TNK2: variants seen among roughly 807,000 people sequenced by gnomAD.
TNK2 encodes the protein tyrosine kinase non receptor 2.
A neutral mutation model predicts 101.8 loss-of-function variants in TNK2; 83 were observed. That is an observed-to-expected ratio of 0.82 (90% CI 0.68 to 0.98). The LOEUF (loss-of-function observed/expected upper bound fraction) is 0.98. Ranked by LOEUF, TNK2 falls within the 50% of genes least tolerant of loss-of-function variation. TNK2 has a pLI of 0.00. For missense variants in TNK2, 1,665 were observed against 1,483.2 expected (o/e 1.12, Z -2.01); for synonymous variants, 804 against 633.0 (o/e 1.27, Z -4.06).
chr3:195,893,105 G>A (rs1267454620), intron 1 of TNK2, among the ~76,000 whole-genome samples: 2 of 151,944 alleles, frequency 1.3e-5, no homozygotes, highest in Non-Finnish European at 2.9e-5. Flanking sequence ...GTGTGGGGAC[G>A]TGGGGACTAA....
intron 1 of TNK2, among the ~76,000 whole-genome samples, chr3:195,893,992 T>C (rs1577109629): frequency 6.6e-6 from 1 of 152,282 alleles, no homozygotes; most frequent in Non-Finnish European, 1.5e-5. Context: ...CCCCCTGCCA[T>C]CCAGCCCACA....
At chr3:195,887,903 T>TGTGCACGTGCATGCGTGC (rs1390659403) in intron 2 of TNK2, among the ~76,000 whole-genome samples, 44 of 126,646 alleles carry the variant, frequency 3.5e-4, no homozygotes, top group African/African-American at 1.6e-3. Flanking sequence ...TGCATGCGTG[T>TGTGCACGTGCATGCGTGC]GTGCACGTGC....
chr3:195,905,100 A>G (rs1761592489), intron 1 of TNK2, among the ~76,000 whole-genome samples: 1 of 152,256 alleles, frequency 6.6e-6, no homozygotes, highest in Admixed American at 6.5e-5. Flanking sequence ...TAGTTTATAA[A>G]CCCACAGTAA....
In TNK2 at chr3:195,864,176, G is replaced by T. The variant is rs200408614; in HGVS notation, c.*5C>A. The T allele has an allele frequency of 6.2e-7, 1 of 1,613,982 alleles. No homozygotes were observed. The highest frequency in any genetic ancestry group is 1.7e-5 in the Admixed American group (1 of 60,008). On this transcript the variant is annotated 3_prime_UTR_variant, in exon 16 of 16. Coordinates refer to ENST00000672887, the MANE Select transcript of TNK2 (RefSeq NM_001382273.1). ...AGGCAGGCCCTCTGGCTCTCCAGAC[G>T]CATCTCAGCGCCTAGAGAATGGGAA...
intron 1 of TNK2, among the ~76,000 whole-genome samples, chr3:195,889,767 A>G (rs1757608801): frequency 6.6e-6 from 1 of 152,206 alleles, no homozygotes; most frequent in Non-Finnish European, 1.5e-5. Flanking sequence ...AAGCGGACCC[A>G]CCGCACAGCA....
chr3:195,888,401 C>T lies in TNK2; in HGVS notation c.163+25G>A. On this transcript the variant is annotated intron_variant, in intron 2 of 15. Coordinates refer to ENST00000672887, the MANE Select transcript of TNK2 (RefSeq NM_001382273.1). The surrounding 1 kb of genome is among the most constrained non-coding windows in gnomAD (Gnocchi z 5.3). ...AGGACGGAAAGGGTCAGGGGCAAGA[C>T]AAGCCAGGCCAACATCCCACCTACC... 1.2e-6 allele frequency: 2 copies of T among 1,607,520 alleles called. No individual in the cohort carries two copies. Among genetic ancestry groups the T allele is most frequent in the Non-Finnish European group, 8.5e-7 (1 of 1,175,540 alleles).
In TNK2 at chr3:195,902,956, C is replaced by A. The variant is rs141733252; in HGVS notation, c.-19+5529G>T. Among the ~76,000 whole-genome samples the A allele has an allele frequency of 2.4e-3, 363 of 152,108 alleles. 10 individuals carry two copies. The East Asian group carries it at 0.051, about 21-fold the overall frequency. ...GTAGAGACAAGGTTTCACCATGTTGCCCAGGCTGGTCTTGAACTCGTGACC... is the reference window on the plus strand; with the variant it reads ...GTAGAGACAAGGTTTCACCATGTTGACCAGGCTGGTCTTGAACTCGTGACC... On this transcript the variant is annotated intron_variant, in intron 1 of 15. Transcript: ENST00000672887.
Position 195,867,914 on chromosome 3 carries a change from G to A in TNK2, c.2384C>T (p.Pro795Leu), listed in dbSNP as rs757888662. Reference sequence around the variant, plus strand: ...GCCTTGAGGGGACAGGGGCTCCCGCGGAGGCACCCGGGGAGGGGAAGCAGG... The same window carrying A: ...GCCTTGAGGGGACAGGGGCTCCCGCAGAGGCACCCGGGGAGGGGAAGCAGG... ...PGPASPPRVP[P>L]REPLSPQGSR... The change falls in exon 13 of 16, where the codon CCG (proline) becomes CTG (leucine). Residue 795 changes from proline to leucine, a missense_variant. Physicochemically the swap from Pro to Leu is moderately conservative, Grantham distance 98. Coordinates refer to ENST00000672887, the MANE Select transcript of TNK2 (RefSeq NM_001382273.1). 70 of 1,532,034 alleles carry A rather than the reference G, an allele frequency of 4.6e-5. No homozygotes were observed. The Middle Eastern group carries it at 5.2e-4, about 11-fold the overall frequency. The allele number at this position is 1,532,034 out of a possible 1,614,324, so 94.9% of individuals were successfully genotyped here.
At chr3:195,865,407 G>A (rs1300909112) in intron 15 of TNK2, among the ~76,000 whole-genome samples, 9 of 141,380 alleles carry the variant, frequency 6.4e-5, no homozygotes, top group African/African-American at 1.9e-4. Flanking sequence ...GAGTGCCTGC[G>A]TCCCGGGTGC....
At position 195,886,922 on chromosome 3, in the gene TNK2, A is replaced by AG. The variant is rs1302886858; in HGVS notation, c.234+54dup. 4.4e-6 allele frequency: 7 copies of AG among 1,585,944 alleles called. No homozygotes were observed. The highest frequency in any genetic ancestry group is 6.1e-6 in the Non-Finnish European group (7 of 1,154,562). On this transcript the variant is annotated intron_variant, in intron 3 of 15. Transcript: ENST00000672887. This position sits in a 1 kb window ranked among gnomAD's most constrained non-coding sequence, Gnocchi z 4.2. Reference sequence around the variant, plus strand: ...GGAAGGTTCCCAGGACCAGAAGCGGAGGGGGGCGTTCGAGGCTGCCCCCCT... The same window carrying AG: ...GGAAGGTTCCCAGGACCAGAAGCGGAGGGGGGGCGTTCGAGGCTGCCCCCCT...
Position 195,878,930 on chromosome 3 carries a change from G to A in TNK2, c.1014+119C>T. 1 of 1,476,936 alleles carries A rather than the reference G, an allele frequency of 6.8e-7. No individual in the cohort carries two copies. The highest frequency in any genetic ancestry group is 9.2e-7 in the Non-Finnish European group (1 of 1,091,280). 91.5% of individuals were successfully genotyped at this position (1,476,936 alleles called of 1,614,324 possible). Reference sequence around the variant, plus strand: ...TGGGAGGCACGGGAAGTGGGGGGAGGCACGGGGCGTGGGAGGAGGGAGTCC... The same window carrying A: ...TGGGAGGCACGGGAAGTGGGGGGAGACACGGGGCGTGGGAGGAGGGAGTCC... On this transcript the variant is annotated intron_variant, in intron 7 of 15. Transcript: ENST00000672887. The surrounding 1 kb of genome is among the most constrained non-coding windows in gnomAD (Gnocchi z 4.7).
intron 1 of TNK2, among the ~76,000 whole-genome samples, chr3:195,889,281 A>T (rs1240432930): frequency 6.6e-6 from 1 of 152,216 alleles, no homozygotes; most frequent in Non-Finnish European, 1.5e-5. Context: ...AATGGTTGTC[A>T]GAAGAAACTG....
In TNK2 at chr3:195,895,293, C is replaced by G. The variant is rs752309407; in HGVS notation, c.-18-6687G>C. The G allele has an allele frequency of 1.5e-5, 23 of 1,572,936 alleles. No homozygotes were observed. The South Asian group carries it at 2.4e-4, about 17-fold the overall frequency. On this transcript the variant is annotated intron_variant, in intron 1 of 15. Coordinates refer to ENST00000672887, the MANE Select transcript of TNK2 (RefSeq NM_001382273.1). ...GCCAGGCGCTGGTAAGCAGATCTCT[C>G]CCCCATGGAGCCCCAAATCCCAGCG...
chr3:195,889,824 C>T lies in TNK2; in HGVS notation c.-18-1218G>A, dbSNP rs557042730. Among the ~76,000 whole-genome samples, 89 of 152,346 alleles carry T rather than the reference C, an allele frequency of 5.8e-4. 1 individual carries two copies. The East Asian group carries it at 6.0e-3, about 10-fold the overall frequency. ...GGTGTGTCAGAGCTGAGGGCGTGGCCAGGCTAGCCCCGGACCCATGCTCAA... is the reference window on the plus strand; with the variant it reads ...GGTGTGTCAGAGCTGAGGGCGTGGCTAGGCTAGCCCCGGACCCATGCTCAA... On this transcript the variant is annotated intron_variant, in intron 1 of 15. Transcript: ENST00000672887.
intron 1 of TNK2, chr3:195,892,375 C>T: frequency 1.3e-6 from 2 of 1,504,916 alleles, no homozygotes; most frequent in South Asian, 2.5e-5. Flanking sequence ...GGAGCCCAAC[C>T]AGTCCCCAGC....
chr3:195,866,649 C>T (rs1458758555), intron 15 of TNK2, among the ~76,000 whole-genome samples: 1 of 152,246 alleles, frequency 6.6e-6, no homozygotes, highest in Non-Finnish European at 1.5e-5. Flanking sequence ...CCTCCTTCAA[C>T]CAGAGAGGCT....
At chr3:195,873,018 G>A (rs1393169902) in intron 9 of TNK2, among the ~76,000 whole-genome samples, 1 of 152,168 alleles carries the variant, frequency 6.6e-6, no homozygotes, top group African/African-American at 2.4e-5. Flanking sequence ...CCTGCCTCCC[G>A]AATGCAGACG....
At chr3:195,895,374 C>G (rs781117814) in intron 1 of TNK2, 5 of 1,554,428 alleles carry the variant, frequency 3.2e-6, no homozygotes, top group Non-Finnish European at 4.3e-6. Context: ...GCGGCACCGG[C>G]AGCGTCACTG....
intron 2 of TNK2, among the ~76,000 whole-genome samples, 179 bp from the exon 3 acceptor site, chr3:195,887,226 C>T (rs1400788519): frequency 6.6e-6 from 1 of 152,246 alleles, no homozygotes; most frequent in African/African-American, 2.4e-5. Flanking sequence ...CACTCCACTT[C>T]CTGGCACTGG....
Sources: allele counts gnomAD v4.1 joint callset (sites outside exome capture counted in the v4.1 genomes callset), GRCh38; gene constraint gnomAD v4.1.1; non-coding constraint Gnocchi (gnomAD v3.1); transcripts MANE v1.5; gene names NCBI Gene and HGNC (gene_info 2026-07-23, HGNC 2026-07-21).